Variants in DOCK5 observed in about 807,000 individuals in gnomAD.
DOCK5 encodes the protein dedicator of cytokinesis 5.
DOCK5 carries 142 observed loss-of-function variants against 251.8 expected under a neutral mutation model. The ratio of observed to expected loss-of-function variants is 0.56; its 90% CI spans 0.49 to 0.65. The LOEUF (loss-of-function observed/expected upper bound fraction) is 0.65. DOCK5 is among the 30% of genes least tolerant of loss of function. DOCK5 has a pLI of 0.00. For synonymous variants in DOCK5, 842 were observed against 835.5 expected (o/e 1.01, Z -0.13); for missense variants, 2,111 against 2,312.3 (o/e 0.91, Z 1.79).
At chr8:25,383,489 C>A (rs1318101621) in intron 40 of DOCK5, among the ~76,000 whole-genome samples, 1 of 152,200 alleles carries the variant, frequency 6.6e-6, no homozygotes, top group Non-Finnish European at 1.5e-5. Flanking sequence ...TACAGTCAAA[C>A]ATAGTCCCTA....
At chr8:25,290,798 G>C (rs530558836) in intron 5 of DOCK5, among the ~76,000 whole-genome samples, 1 of 152,214 alleles carries the variant, frequency 6.6e-6, no homozygotes, top group South Asian at 2.1e-4. Flanking sequence ...TGTAACCCAG[G>C]GTTCTCCATG....
rs77669430 is a variant in DOCK5 at position 25,353,074 on chromosome 8, C to T, written c.2850+1248C>T. Among the ~76,000 whole-genome samples, 5 of 152,168 alleles carry T rather than the reference C, an allele frequency of 3.3e-5. No individual in the cohort carries two copies. The East Asian group carries it at 7.7e-4, about 24-fold the overall frequency. ...TGATCCTAATAAGAATAAAGAGAAACGATTGCAAGTAAAACTGTCTTTCTG... is the reference window on the plus strand; with the variant it reads ...TGATCCTAATAAGAATAAAGAGAAATGATTGCAAGTAAAACTGTCTTTCTG... On this transcript the variant is annotated intron_variant, in intron 27 of 51. Coordinates refer to ENST00000276440, the MANE Select transcript of DOCK5 (RefSeq NM_024940.8).
chr8:25,261,643 C>A (rs1230724548), intron 2 of DOCK5, among the ~76,000 whole-genome samples: 4 of 152,170 alleles, frequency 2.6e-5, no homozygotes, highest in Non-Finnish European at 5.9e-5. Flanking sequence ...AAAAGGCATT[C>A]ATCTTAGGTT....
At position 25,293,072 on chromosome 8, in the gene DOCK5, C is replaced by A. The variant is rs1804535684; in HGVS notation, c.470+900C>A. Among the ~76,000 whole-genome samples the A allele has an allele frequency of 4.6e-5, 7 of 152,294 alleles. No homozygotes were observed. In the South Asian group the frequency reaches 1.5e-3, roughly 32 times the overall value. On this transcript the variant is annotated intron_variant, in intron 6 of 51. Coordinates refer to ENST00000276440, the MANE Select transcript of DOCK5 (RefSeq NM_024940.8). The stretch of plus-strand genomic sequence containing the variant: ...CCTTTAGGAAAATGAGAAATTCAGT[C>A]CTATATCCAAATTGGTGGTGGCCTG...
chr8:25,189,835 A>G (rs1336958714), intron 1 of DOCK5, among the ~76,000 whole-genome samples: 1 of 152,204 alleles, frequency 6.6e-6, no homozygotes, highest in Non-Finnish European at 1.5e-5. Flanking sequence ...AGAGCTTTGA[A>G]TGCTGATTTA....
chr8:25,414,297 G>T lies in DOCK5; in HGVS notation c.*2999G>T. 1 of 152,162 alleles carries T rather than the reference G, an allele frequency of 6.6e-6. No homozygotes were observed. Among genetic ancestry groups the T allele is most frequent in the Non-Finnish European group, 1.5e-5 (1 of 68,066 alleles). 9.4% of individuals were successfully genotyped at this position (152,162 alleles called of 1,614,324 possible). A position where few individuals can be genotyped will look rare whatever the true frequency, so the allele number is the denominator to read the frequency against. On this transcript the variant is annotated 3_prime_UTR_variant, in exon 52 of 52. Coordinates refer to ENST00000276440, the MANE Select transcript of DOCK5 (RefSeq NM_024940.8). ...CAGTATACAAAGACAGTTCACTCTG[G>T]TGTGCTGTAGGATTGGAAAGGGAGT...
chr8:25,302,881 A>G (rs985632525), intron 10 of DOCK5, among the ~76,000 whole-genome samples: 3 of 152,182 alleles, frequency 2.0e-5, no homozygotes, highest in African/African-American at 7.2e-5. Context: ...CAGAGACAGT[A>G]TAGAGTGGTG....
rs3841183 is a variant in DOCK5 at position 25,413,394 on chromosome 8, CAAACTT to C, written c.*2099_*2104del. 0.062 allele frequency: 9,409 copies of C among 152,080 alleles called. 358 individuals are homozygous for C. The highest frequency in any genetic ancestry group is 0.1 in the South Asian group (484 of 4,818). The allele number at this position is 152,080 out of a possible 1,614,324, so 9.4% of individuals were successfully genotyped here. ...TTACATGATTATTTATGACTAGAGA[CAAACTT>C]AATAAGAACTCAAGAGGATTTTAAA... On this transcript the variant is annotated 3_prime_UTR_variant, in exon 52 of 52. Transcript: ENST00000276440.
At chr8:25,339,998 G>A (rs762922047) in intron 22 of DOCK5, among the ~76,000 whole-genome samples, 4 of 152,172 alleles carry the variant, frequency 2.6e-5, no homozygotes, top group Admixed American at 6.5e-5. Context: ...ATTCGAGCTC[G>A]TAGGATTTGC....
At chr8:25,332,380 C>A (rs972820526) in intron 19 of DOCK5, 32 bp downstream of exon 19, 1 of 1,515,894 alleles carries the variant, frequency 6.6e-7, no homozygotes, top group Non-Finnish European at 9.2e-7. Flanking sequence ...TAGAAATACA[C>A]ATACCTACAT....
At position 25,368,665 on chromosome 8, in the gene DOCK5, C is replaced by G. The variant is rs1170787245; in HGVS notation, c.3378C>G (p.Pro1126=). ...TAGAGCTCCGGAAAGCCACAATCCC[C>G]ATTTTCTTTGATATGATGCAGTGTG... ...PEVELRKATI[P]IFFDMMQCEF... is the part of the protein sequence containing the mutation. The change falls in exon 33 of 52, where the codon CCC becomes CCG. Residue 1126 remains proline (P), a synonymous_variant. Coordinates refer to ENST00000276440, the MANE Select transcript of DOCK5 (RefSeq NM_024940.8). The G allele has an allele frequency of 6.2e-7, 1 of 1,613,880 alleles. No homozygotes were observed. The highest frequency in any genetic ancestry group is 1.3e-5 in the African/African-American group (1 of 75,048).
chr8:25,185,801 G>A (rs1801415706), intron 1 of DOCK5, among the ~76,000 whole-genome samples: 1 of 152,192 alleles, frequency 6.6e-6, no homozygotes, highest in South Asian at 2.1e-4. Flanking sequence ...CAATAGATGT[G>A]CGGGGATTTT....
Position 25,357,447 on chromosome 8 carries a change from C to T in DOCK5, c.2851-1516C>T, listed in dbSNP as rs562145412. Reference sequence around the variant, plus strand: ...AGGCTGGAGTGCAGTGGCAGAATCTCGGCTCACTGCGTCTCTGCCTCCCAG... The same window carrying T: ...AGGCTGGAGTGCAGTGGCAGAATCTTGGCTCACTGCGTCTCTGCCTCCCAG... On this transcript the variant is annotated intron_variant, in intron 27 of 51. Coordinates refer to ENST00000276440, the MANE Select transcript of DOCK5 (RefSeq NM_024940.8). Among the ~76,000 whole-genome samples, 11 of 141,168 alleles carry T rather than the reference C, an allele frequency of 7.8e-5. No individual in the cohort carries two copies. The East Asian group carries it at 8.7e-4, about 11-fold the overall frequency. The allele number at this position is 141,168 out of a possible 152,430, so 92.6% of individuals were successfully genotyped here.
intron 16 of DOCK5, among the ~76,000 whole-genome samples, chr8:25,321,324 A>G (rs538044085): frequency 6.6e-6 from 1 of 152,312 alleles, no homozygotes; most frequent in East Asian, 1.9e-4. Flanking sequence ...GGCACCAGAG[A>G]CTGGTTTTGT....
intron 51 of DOCK5, among the ~76,000 whole-genome samples, chr8:25,410,989 ACG>A (rs1191908988): frequency 0.33 from 39,856 of 119,138 alleles, 6,054 homozygotes; most frequent in East Asian, 0.36. Context: ...GCGCGCACGC[ACG>A]CACGCACGCA....
rs1563309172 is a variant in DOCK5, at chr8:25,210,041, T to TATAA, written c.43+25090_43+25091insATAA. 5.1e-3 allele frequency among the ~76,000 whole-genome samples: 88 copies of TATAA among 17,296 alleles called. 3 individuals are homozygous for TATAA. Among genetic ancestry groups the TATAA allele is most frequent in the African/African-American group, 0.022 (78 of 3,562 alleles). The allele number at this position is 17,296 out of a possible 152,430, so 11.3% of individuals were successfully genotyped here. Reference sequence around the variant, plus strand: ...ATATATATATATATATATAAATGTGTGTGTGTGTGTGTGTGTGTGTGTGTG... The same window carrying TATAA: ...ATATATATATATATATATAAATGTGTATAAGTGTGTGTGTGTGTGTGTGTGTGTG... On this transcript the variant is annotated intron_variant, in intron 1 of 51. Transcript: ENST00000276440.
At position 25,408,119 on chromosome 8, in the gene DOCK5, G is replaced by C. The variant is rs750033003; in HGVS notation, c.5230G>C (p.Val1744Leu). 2 of 1,597,860 alleles carry C rather than the reference G, an allele frequency of 1.3e-6. No individual in the cohort carries two copies. Among genetic ancestry groups the C allele is most frequent in the Non-Finnish European group, 1.7e-6 (2 of 1,172,136 alleles). Residue 1744 changes from valine to leucine, a missense_variant, in exon 49 of 52, where the codon GTC becomes CTC. Coordinates refer to ENST00000276440, the MANE Select transcript of DOCK5 (RefSeq NM_024940.8). ...RKDWSLSKSQVIAEKAPEPDL... is the reference protein window; with the variant it reads ...RKDWSLSKSQLIAEKAPEPDL... ...AGACTGGAGTCTGAGCAAGTCCCAG[G>C]TCATTGCAGAGAAAGCACCAGAACC...
chr8:25,338,074 G>T (rs1016842118), intron 22 of DOCK5, among the ~76,000 whole-genome samples: 1 of 151,532 alleles, frequency 6.6e-6, no homozygotes, highest in African/African-American at 2.4e-5. Flanking sequence ...GACAGGGTCT[G>T]GCTCTGTCAC....
At chr8:25,315,709 GA>G (rs1483355925) in intron 13 of DOCK5, among the ~76,000 whole-genome samples, 1 of 152,220 alleles carries the variant, frequency 6.6e-6, no homozygotes, top group Non-Finnish European at 1.5e-5. Flanking sequence ...TTACCAGTGG[GA>G]TTGCTGTATT....
Sources: gnomAD v4.1 joint callset for allele counts (sites outside exome capture counted in the v4.1 genomes callset) on GRCh38, gnomAD v4.1.1 for gene constraint, MANE v1.5 for transcripts, NCBI Gene and HGNC (gene_info 2026-07-23, HGNC 2026-07-21) for gene names.